Variants in SMOC2 observed in about 807,000 individuals in gnomAD.
The protein encoded by SMOC2 is SPARC-related modular calcium-binding protein 2.
A neutral mutation model predicts 61.4 loss-of-function variants in SMOC2; 39 were observed. The observed-to-expected ratio is 0.64, with a 90% CI of 0.49 to 0.83. The LOEUF (loss-of-function observed/expected upper bound fraction) is 0.83, where lower values mean the gene tolerates loss of function less well. Among genes scored for constraint, SMOC2 ranks in the 40% least tolerant of loss-of-function variants. The pLI, the probability that SMOC2 is intolerant of heterozygous loss-of-function variation, is 0.00. For missense variants in SMOC2, 556 were observed against 592.9 expected (o/e 0.94, Z 0.65); for synonymous variants, 247 against 239.9 (o/e 1.03, Z -0.27).
In SMOC2 at chr6:168,549,208, G is replaced by A. The variant is rs202059012; in HGVS notation, c.637+5G>A. ...ACAAAACCAATAAGAATTCAGGTAA[G>A]ATGCTGCCTGATGTCACTTTGTAAG... On this transcript the variant is annotated splice_donor_5th_base_variant and intron_variant, in intron 7 of 12. Coordinates refer to ENST00000356284, the MANE Select transcript of SMOC2 (RefSeq NM_001166412.2). 136 of 1,612,238 alleles carry A rather than the reference G, an allele frequency of 8.4e-5. No homozygotes were observed. The highest frequency in any genetic ancestry group is 1.0e-4 in the Non-Finnish European group (120 of 1,178,394).
At chr6:168,517,967 C>T (rs1362716636) in intron 2 of SMOC2, among the ~76,000 whole-genome samples, 1 of 152,244 alleles carries the variant, frequency 6.6e-6, no homozygotes, top group Admixed American at 6.5e-5. Flanking sequence ...GTCTCTAGAA[C>T]GAGGAGCCGG....
chr6:168,666,034 AAG>A (rs1311830039), intron 12 of SMOC2, among the ~76,000 whole-genome samples: 2 of 152,220 alleles, frequency 1.3e-5, no homozygotes, highest in African/African-American at 4.8e-5. Context: ...GTGAACAAAA[AAG>A]ATAAAAAGGA....
intron 1 of SMOC2, among the ~76,000 whole-genome samples, chr6:168,444,320 T>G (rs1056846138): frequency 6.6e-6 from 1 of 152,170 alleles, no homozygotes; most frequent in African/African-American, 2.4e-5. Flanking sequence ...ACCTGGCTTC[T>G]CAGGACCACG....
chr6:168,461,619 T>C (rs1781720041), intron 1 of SMOC2, among the ~76,000 whole-genome samples: 1 of 152,364 alleles, frequency 6.6e-6, no homozygotes, highest in Admixed American at 6.5e-5. Context: ...TGAGTTTTAC[T>C]GCACTTTAAA....
At chr6:168,457,358 C>T (rs1781609810) in intron 1 of SMOC2, among the ~76,000 whole-genome samples, 1 of 152,176 alleles carries the variant, frequency 6.6e-6, no homozygotes, top group Non-Finnish European at 1.5e-5. Context: ...CATCCAACCC[C>T]ACCTTCAACA....
chr6:168,660,362 C>G (rs1787477547), intron 11 of SMOC2, among the ~76,000 whole-genome samples: 1 of 152,204 alleles, frequency 6.6e-6, no homozygotes, highest in Non-Finnish European at 1.5e-5. Context: ...CCGCATTGCT[C>G]TCTGCTAAGG....
chr6:168,489,941 C>A (rs1259594426), intron 1 of SMOC2, among the ~76,000 whole-genome samples: 1 of 150,330 alleles, frequency 6.7e-6, no homozygotes, highest in African/African-American at 2.5e-5. Context: ...TGAAATATAT[C>A]GAATCATCTG....
chr6:168,614,430 G>T (rs1358341425), intron 9 of SMOC2, among the ~76,000 whole-genome samples: 1 of 78,090 alleles, frequency 1.3e-5, no homozygotes, highest in Non-Finnish European at 2.5e-5. Context: ...GCCAGCACAG[G>T]GCCTCTTCAC....
chr6:168,607,869 T>TCCAACCCTGCAACGGGAGGAGGGGGCG (rs1440562829), intron 8 of SMOC2, among the ~76,000 whole-genome samples: 2 of 56,680 alleles, frequency 3.5e-5, no homozygotes, highest in Admixed American at 4.4e-4. Flanking sequence ...TGTGGGTGCT[T>TCCAACCCTGCAACGGGAGGAGGGGGCG]GGCAGCTGCT....
chr6:168,664,793 C>T (rs1374238743), intron 12 of SMOC2: 1 of 471,048 alleles, frequency 2.1e-6, no homozygotes, highest in Non-Finnish European at 4.4e-6. Flanking sequence ...GTCAAGAACA[C>T]TTTCCAGAAG....
At chr6:168,465,628 A>G (rs1008399942) in intron 1 of SMOC2, among the ~76,000 whole-genome samples, 1 of 152,184 alleles carries the variant, frequency 6.6e-6, no homozygotes, top group Non-Finnish European at 1.5e-5. Flanking sequence ...ATAGTTTGTG[A>G]AAGCCAAATA....
At chr6:168,442,237 G>A (rs946405578) in intron 1 of SMOC2, among the ~76,000 whole-genome samples, 3 of 152,280 alleles carry the variant, frequency 2.0e-5, no homozygotes, top group Non-Finnish European at 4.4e-5. Context: ...CAGGGATGCT[G>A]CGCTCCTGAG....
At chr6:168,449,958 G>A (rs1460738145) in intron 1 of SMOC2, among the ~76,000 whole-genome samples, 5 of 152,240 alleles carry the variant, frequency 3.3e-5, no homozygotes. Context: ...TCAGGACTGT[G>A]CCCTGTGGTC....
chr6:168,445,793 A>T (rs1030065604), intron 1 of SMOC2, among the ~76,000 whole-genome samples: 23 of 152,248 alleles, frequency 1.5e-4, no homozygotes, highest in Admixed American at 2.6e-4. Context: ...GGCGTCTAAA[A>T]ACCCAAACAT....
chr6:168,562,971 C>T (rs1454767963), intron 7 of SMOC2, among the ~76,000 whole-genome samples: 1 of 152,228 alleles, frequency 6.6e-6, no homozygotes. Flanking sequence ...CTGGAGCAAA[C>T]ACAGTCACGT....
intron 1 of SMOC2, among the ~76,000 whole-genome samples, chr6:168,464,530 A>T (rs1433694656): frequency 1.3e-5 from 2 of 151,736 alleles, no homozygotes; most frequent in East Asian, 3.9e-4. Context: ...TGGTTCAGTT[A>T]TAATCAGTTT....
At chr6:168,628,877 A>G (rs1479421229) in intron 9 of SMOC2, among the ~76,000 whole-genome samples, 1 of 152,212 alleles carries the variant, frequency 6.6e-6, no homozygotes, top group Non-Finnish European at 1.5e-5. Flanking sequence ...CTCTTCTCGG[A>G]ACACACAGTT....
chr6:168,653,505 C>T (rs993683055), intron 11 of SMOC2, among the ~76,000 whole-genome samples: 2 of 152,218 alleles, frequency 1.3e-5, no homozygotes, highest in African/African-American at 2.4e-5. Flanking sequence ...GTTGGCTTCC[C>T]CCAGAATGGA....
At chr6:168,539,925 A>C (rs1783840087) in intron 4 of SMOC2, among the ~76,000 whole-genome samples, 1 of 151,776 alleles carries the variant, frequency 6.6e-6, no homozygotes, top group South Asian at 2.1e-4. Flanking sequence ...CCAGTTACTT[A>C]CCCCTCTGGT....
Sources: allele counts gnomAD v4.1 joint callset (sites outside exome capture counted in the v4.1 genomes callset), GRCh38; gene constraint gnomAD v4.1.1; transcripts MANE v1.5; gene names NCBI Gene and HGNC (gene_info 2026-07-23, HGNC 2026-07-21).